Variants in PITX3 observed in about 807,000 individuals in gnomAD.
The protein encoded by PITX3 is paired like homeodomain 3.
Under a neutral mutation model 14.2 loss-of-function variants are expected in PITX3, and 4 were observed. The observed-to-expected ratio is 0.28, with a 90% CI of 0.14 to 0.65. PITX3 has a LOEUF of 0.65. Ranked by LOEUF, PITX3 falls within the 30% of genes least tolerant of loss-of-function variation. The pLI, the probability that PITX3 is intolerant of heterozygous loss-of-function variation, is 0.82. For synonymous variants in PITX3, 194 were observed against 204.5 expected (o/e 0.95, Z 0.44); for missense variants, 358 against 426.8 (o/e 0.84, Z 1.42).
intron 1 of PITX3, 25 bp from the exon 2 acceptor site, chr10:102,232,117 C>T (rs2070262049): frequency 1.5e-6 from 2 of 1,315,722 alleles, no homozygotes; most frequent in Non-Finnish European, 2.2e-6. Flanking sequence ...AGACACAGAC[C>T]AGGGTAATGG....
In PITX3 at chr10:102,230,484, C is replaced by G. The variant is rs2133794230; in HGVS notation, c.*30G>C. Reference sequence around the variant, plus strand: ...CGGAGGCTGTGAATCGTTGCCCCCGCCCTCGGGGATGATCTACGGGCGGGG... The same window carrying G: ...CGGAGGCTGTGAATCGTTGCCCCCGGCCTCGGGGATGATCTACGGGCGGGG... On this transcript the variant is annotated 3_prime_UTR_variant, in exon 4 of 4. Coordinates refer to ENST00000370002, the MANE Select transcript of PITX3 (RefSeq NM_005029.4). The G allele has an allele frequency of 1.9e-6, 3 of 1,590,800 alleles. No individual in the cohort carries two copies. The East Asian group carries it at 6.8e-5, about 36-fold the overall frequency.
intron 1 of PITX3, among the ~76,000 whole-genome samples, chr10:102,238,037 ACT>A (rs1279870163): frequency 2.0e-5 from 3 of 152,166 alleles, no homozygotes; most frequent in Admixed American, 6.5e-5. Flanking sequence ...GAAAGGAGAA[ACT>A]ATTAACTGAA....
intron 1 of PITX3, among the ~76,000 whole-genome samples, chr10:102,240,022 G>A (rs77886504): frequency 0.015 from 2,284 of 152,334 alleles, 24 homozygotes; most frequent in Non-Finnish European, 0.024. Flanking sequence ...GTAGGGCTGA[G>A]GAAGAAAAAG....
chr10:102,235,107 C>G (rs2070350217), intron 1 of PITX3, among the ~76,000 whole-genome samples: 3 of 152,090 alleles, frequency 2.0e-5, no homozygotes, highest in African/African-American at 7.3e-5. Flanking sequence ...GTCACACAGT[C>G]TCCTCTCTGT....
At chr10:102,231,816 A>T (rs768120353) in intron 2 of PITX3, 26 bp from the exon 3 acceptor site, 2 of 1,592,822 alleles carry the variant, frequency 1.3e-6, no homozygotes, top group Non-Finnish European at 1.7e-6. Context: ...GGGGCAGGTC[A>T]CAGAGCGCCC....
chr10:102,235,166 T>TCCCCCC (rs1388718222), intron 1 of PITX3, among the ~76,000 whole-genome samples: 24 of 59,060 alleles, frequency 4.1e-4, no homozygotes, highest in African/African-American at 1.5e-3. Flanking sequence ...TTATTACCCT[T>TCCCCCC]CCCCCACCCC....
At chr10:102,232,232 A>C (rs2070265900) in intron 1 of PITX3, 140 bp from the exon 2 acceptor site, 1 of 633,442 alleles carries the variant, frequency 1.6e-6, no homozygotes, top group African/African-American at 1.8e-5. Context: ...GGGGCTCCTT[A>C]GGATAGAATC....
Position 102,232,071 on chromosome 10 carries a change from C to T in PITX3, c.10G>A (p.Gly4Ser), listed in dbSNP as rs985795231. The T allele has an allele frequency of 6.3e-7, 1 of 1,597,206 alleles. No homozygotes were observed. The highest frequency in any genetic ancestry group is 8.5e-7 in the Non-Finnish European group (1 of 1,174,460). The change falls in exon 2 of 4, where the codon GGC becomes AGC. Residue 4 changes from glycine to serine, a missense_variant. This residue lies in a region of PITX3 where 72 missense variants were observed against 79.9 expected (regional missense o/e 0.90). Coordinates refer to ENST00000370002, the MANE Select transcript of PITX3 (RefSeq NM_005029.4). ...CGGGCCTCTGCCTCGCTGAGCAGGC[C>T]GAACTCCATGGAGGGAGGGCTCTGG... MEFGLLSEAEARSP... is the reference protein window; with the variant it reads MEFSLLSEAEARSP...
Position 102,230,387 on chromosome 10 carries a change from G to A in PITX3, c.*127C>T. 1 of 1,398,620 alleles carries A rather than the reference G, an allele frequency of 7.1e-7. No individual in the cohort carries two copies. 86.6% of individuals were successfully genotyped at this position (1,398,620 alleles called of 1,614,324 possible). On this transcript the variant is annotated 3_prime_UTR_variant, in exon 4 of 4. Transcript: ENST00000370002. ...GGGGAAGGCCCTCTCCTGAGCCGGT[G>A]CCCCCCAGCTGCCCAAACACCCCTT...
chr10:102,231,126 C>A, intron 3 of PITX3, 25 bp from the exon 4 acceptor site: 1 of 1,506,076 alleles, frequency 6.6e-7, no homozygotes, highest in Admixed American at 2.1e-5. Flanking sequence ...GAAAGGCGGT[C>A]AGGGCCCGGG....
Position 102,230,919 on chromosome 10 carries a change from C to G in PITX3, c.504G>C (p.Lys168Asn). Residue 168 changes from lysine (K) to asparagine (N), a missense_variant, in exon 4 of 4, where the codon AAG (lysine) becomes AAC (asparagine). Around this residue, in one of 3 missense-constraint regions of PITX3, gnomAD observed 236 missense variants for 250.2 expected, o/e 0.94. Transcript: ENST00000370002. ...CCGAGTTGAAGGCGAATGGAAAGGT[C>G]TTGGCGGCGAGCGGCGGGGCAAGAG... Reference protein sequence around the residue: ...PKALAPPLAAKTFPFAFNSVN... With the variant: ...PKALAPPLAANTFPFAFNSVN... 6.2e-7 allele frequency: 1 copy of G among 1,612,210 alleles called. No individual in the cohort carries two copies. The highest frequency in any genetic ancestry group is 8.5e-7 in the Non-Finnish European group (1 of 1,179,484).
chr10:102,235,555 T>G (rs1329530889), intron 1 of PITX3, among the ~76,000 whole-genome samples: 1 of 152,190 alleles, frequency 6.6e-6, no homozygotes, highest in African/African-American at 2.4e-5. Context: ...GCCTTCAGTG[T>G]TGTTATAAGG....
chr10:102,235,930 G>C (rs1360545118), intron 1 of PITX3, among the ~76,000 whole-genome samples: 2 of 152,248 alleles, frequency 1.3e-5, no homozygotes, highest in Non-Finnish European at 2.9e-5. Context: ...CCACTTTGGG[G>C]ACAAGGGACT....
At position 102,230,987 on chromosome 10, in the gene PITX3, C is replaced by T; in HGVS notation, c.436G>A (p.Glu146Lys). 1 of 1,604,082 alleles carries T rather than the reference C, an allele frequency of 6.2e-7. No individual in the cohort carries two copies. Among genetic ancestry groups the T allele is most frequent in the Non-Finnish European group, 8.5e-7 (1 of 1,176,780 alleles). ...CCGTACGAGTAGCCGGGGTACACCT[C>T]CTCGTAGGGCGGCACCAGCCCCCCG... ...PLGGLVPPYE[E>K]VYPGYSYGNW... The change falls in exon 4 of 4, where the codon GAG becomes AAG. Residue 146 changes from glutamate (E) to lysine (K), a missense_variant. Physicochemically the swap from Glu to Lys is moderately conservative, Grantham distance 56 (BLOSUM62 1). This residue lies in a region of PITX3 where 236 missense variants were observed against 250.2 expected (regional missense o/e 0.94). Coordinates refer to ENST00000370002, the MANE Select transcript of PITX3 (RefSeq NM_005029.4).
intron 1 of PITX3, among the ~76,000 whole-genome samples, chr10:102,235,185 C>CCCCA (rs2070359775): frequency 6.9e-6 from 1 of 145,036 alleles, no homozygotes; most frequent in African/African-American, 2.6e-5. Flanking sequence ...CCCCACCCCC[C>CCCCA]CACCGCCTCC....
At chr10:102,231,869 TCGC>T (rs1245681269) in intron 2 of PITX3, 79 bp from the exon 3 acceptor site, 95 of 1,566,810 alleles carry the variant, frequency 6.1e-5, no homozygotes, top group Non-Finnish European at 7.1e-5. Flanking sequence ...CCTAAGCCAC[TCGC>T]TGGCTCCCAC....
At position 102,230,261 on chromosome 10, in the gene PITX3, C is replaced by A; in HGVS notation, c.*253G>T. 2 of 503,648 alleles carry A rather than the reference C, an allele frequency of 4.0e-6. No homozygotes were observed. Among genetic ancestry groups the A allele is most frequent in the South Asian group, 6.5e-5 (2 of 30,674 alleles). The allele number at this position is 503,648 out of a possible 1,614,324, so 31.2% of individuals were successfully genotyped here. On this transcript the variant is annotated 3_prime_UTR_variant, in exon 4 of 4. Coordinates refer to ENST00000370002, the MANE Select transcript of PITX3 (RefSeq NM_005029.4). ...GGAAGCCTGGAGAAGGCGGGATGGG[C>A]CAAGGGTGAGTTGGCCCCCGGGGAG...
chr10:102,230,747 C>T lies in PITX3; in HGVS notation c.676G>A (p.Ala226Thr). The change falls in exon 4 of 4, where the codon GCT (alanine) becomes ACT (threonine). Residue 226 changes from alanine to threonine, a missense_variant. Transcript: ENST00000370002. ...GCCCCGGAGGACACGGCGGCCGGAG[C>T]CAGCCCGGGGGGGCCCCCGCCCAGG... ...QGLGGGPPGL[A>T]PAAVSSGAVS... 1 of 1,489,176 alleles carries T rather than the reference C, an allele frequency of 6.7e-7. No homozygotes were observed. The highest frequency in any genetic ancestry group is 1.3e-5 in the South Asian group (1 of 74,094). 92.2% of individuals were successfully genotyped at this position (1,489,176 alleles called of 1,614,324 possible).
chr10:102,230,511 C>A lies in PITX3; in HGVS notation c.*3G>T, dbSNP rs756619257. The A allele has an allele frequency of 2.5e-6, 4 of 1,605,256 alleles. No individual in the cohort carries two copies. The Admixed American group carries it at 5.1e-5, about 20-fold the overall frequency. ...CTCGGGGATGATCTACGGGCGGGGC[C>A]GCTCATACGGGCCTTTCCACGGCGT... On this transcript the variant is annotated 3_prime_UTR_variant, in exon 4 of 4. Transcript: ENST00000370002.
Sources: gnomAD v4.1 joint callset for allele counts (sites outside exome capture counted in the v4.1 genomes callset) on GRCh38, gnomAD v4.1.1 for gene constraint, gnomAD v4.1.1 regional missense constraint, MANE v1.5 for transcripts, NCBI Gene and HGNC (gene_info 2026-07-23, HGNC 2026-07-21) for gene names.